MMEL1: variants seen among roughly 807,000 people sequenced by gnomAD.
MMEL1 encodes membrane metalloendopeptidase like 1.
Under a neutral mutation model 117.1 loss-of-function variants are expected in MMEL1, and 98 were observed. The ratio of observed to expected loss-of-function variants is 0.84; its 90% CI spans 0.71 to 0.99. The LOEUF is 0.99. Among genes scored for constraint, MMEL1 ranks in the 50% least tolerant of loss-of-function variants. The probability of loss-of-function intolerance (pLI) is 0.00; values close to 1 mark genes in which losing one functional copy is unlikely to be tolerated. For synonymous variants in MMEL1, 390 were observed against 415.1 expected, an observed-to-expected ratio of 0.94 and a Z score of 0.74; for missense variants, 1,014 against 1,049.1, an observed-to-expected ratio of 0.97 and a Z score of 0.46.
Position 2,609,403 on chromosome 1 carries a change from C to G in MMEL1, c.471G>C (p.Ser157=). ...CCACAGCCGGCCGGTCCTTGGCAGTCGAATTCTCCAGCACCGCTGTGGGCA... is the reference window on the plus strand; with the variant it reads ...CCACAGCCGGCCGGTCCTTGGCAGTGGAATTCTCCAGCACCGCTGTGGGCA... ...EVILKAVLEN[S]TAKDRPAVEK... Residue 157 remains serine (S), a synonymous_variant, in exon 6 of 24, where the codon TCG becomes TCC. Coordinates refer to ENST00000378412, the MANE Select transcript of MMEL1 (RefSeq NM_033467.4). 1 of 1,611,236 alleles carries G rather than the reference C, an allele frequency of 6.2e-7. No individual in the cohort carries two copies.
At chr1:2,625,426 C>A (rs924419460) in intron 2 of MMEL1, among the ~76,000 whole-genome samples, 2 of 152,198 alleles carry the variant, frequency 1.3e-5, no homozygotes, top group African/African-American at 4.8e-5. Flanking sequence ...GGCTGCTGGG[C>A]AAGCTGCTCT....
intron 23 of MMEL1, 152 bp downstream of exon 23, chr1:2,591,405 A>G: frequency 1.5e-6 from 1 of 676,318 alleles, no homozygotes; most frequent in East Asian, 2.6e-5. Flanking sequence ...AATGTCCCTG[A>G]CCGAAATCGG....
At chr1:2,624,068 G>A (rs1645332196) in intron 2 of MMEL1, among the ~76,000 whole-genome samples, 1 of 152,176 alleles carries the variant, frequency 6.6e-6, no homozygotes, top group Non-Finnish European at 1.5e-5. Flanking sequence ...GCCAAGAGGT[G>A]CATCCCCAGC....
intron 11 of MMEL1, among the ~76,000 whole-genome samples, chr1:2,602,478 T>C (rs1047889109): frequency 6.6e-6 from 1 of 152,144 alleles, no homozygotes; most frequent in Non-Finnish European, 1.5e-5. Flanking sequence ...TTGGCTCCAC[T>C]TCCAAAATCA....
intron 11 of MMEL1, among the ~76,000 whole-genome samples, chr1:2,600,595 C>G (rs1425308790): frequency 6.6e-6 from 1 of 151,968 alleles, no homozygotes; most frequent in African/African-American, 2.4e-5. Flanking sequence ...CGCAGCTACT[C>G]AGGAGGCTTG....
chr1:2,629,201 A>G, intron 2 of MMEL1, 130 bp downstream of exon 2: 3 of 1,013,334 alleles, frequency 3.0e-6, no homozygotes, highest in South Asian at 3.8e-5. Context: ...CTGGGTGCCC[A>G]GTGCAGACCC....
At chr1:2,602,739 G>A (rs1015168745) in intron 11 of MMEL1, among the ~76,000 whole-genome samples, 7 of 152,166 alleles carry the variant, frequency 4.6e-5, no homozygotes, top group East Asian at 3.9e-4. Flanking sequence ...CTCTAGCCCC[G>A]GTGCTCATTA....
chr1:2,595,341 G>T lies in MMEL1; in HGVS notation c.1519C>A (p.Gln507Lys). The T allele has an allele frequency of 6.2e-7, 1 of 1,613,904 alleles. No homozygotes were observed. Among genetic ancestry groups the T allele is most frequent in the Non-Finnish European group, 8.5e-7 (1 of 1,179,970 alleles). Residue 507 changes from glutamine (Q) to lysine (K), a missense_variant, in exon 16 of 24, where the codon CAG becomes AAG. Gln to Lys is a moderately conservative substitution (Grantham distance 53). Transcript: ENST00000378412. The surrounding 1 kb of genome is among the most constrained non-coding windows in gnomAD (Gnocchi z 4.8). ...AQEKAMSIRE[Q>K]IGHPDYILEE... ...AGGATGTAGTCAGGGTGCCCGATCT[G>T]CTCCCGGATGCTCATGGCCTGAGTG... is the stretch of plus-strand genomic sequence containing the variant.
At chr1:2,596,798 G>T in intron 13 of MMEL1, 109 bp from the exon 14 acceptor site, 1 of 1,347,184 alleles carries the variant, frequency 7.4e-7, no homozygotes, top group Non-Finnish European at 1.0e-6. Flanking sequence ...TCAGCCTCAG[G>T]GTGCCCCGGG....
At chr1:2,597,361 G>A (rs770399300) in intron 13 of MMEL1, among the ~76,000 whole-genome samples, 5 of 151,372 alleles carry the variant, frequency 3.3e-5, no homozygotes, top group Non-Finnish European at 7.4e-5. Flanking sequence ...GGCTTGACTT[G>A]CCCCCAGCTT....
rs1644830781 is a variant in MMEL1 at position 2,595,953 on chromosome 1, G to C, written c.1500+56C>G. On this transcript the variant is annotated intron_variant, in intron 15 of 23. Coordinates refer to ENST00000378412, the MANE Select transcript of MMEL1 (RefSeq NM_033467.4). The surrounding 1 kb of genome is among the most constrained non-coding windows in gnomAD (Gnocchi z 4.8). ...ACCGTCAGGAGGCTTTGTCGGGGCG[G>C]TGCTGCCCGTGCCCAGATCCAGTCG... The C allele has an allele frequency of 6.8e-7, 1 of 1,480,372 alleles. No individual in the cohort carries two copies. The highest frequency in any genetic ancestry group is 9.4e-7 in the Non-Finnish European group (1 of 1,061,444). 91.7% of individuals were successfully genotyped at this position (1,480,372 alleles called of 1,614,324 possible).
intron 12 of MMEL1, 93 bp from the exon 13 acceptor site, chr1:2,598,393 AC>A: frequency 7.4e-7 from 1 of 1,355,310 alleles, no homozygotes; most frequent in Non-Finnish European, 1.0e-6. Flanking sequence ...AGCACGTTCC[AC>A]CCCAGAGAGT....
chr1:2,592,903 A>C lies in MMEL1; in HGVS notation c.1931T>G (p.Phe644Cys). ...GATCATGCACTCTGACTGCTCCCGG[A>C]AGTGCTGGGTGGAGAAGTTACTCCA... The part of the protein sequence containing the change: ...DWWSNFSTQH[F>C]REQSECMIYQ... The change falls in exon 20 of 24, where the codon TTC becomes TGC. Residue 644 changes from phenylalanine (F) to cysteine (C), a missense_variant. Phe to Cys is a radical substitution (Grantham distance 205, BLOSUM62 -2). Transcript: ENST00000378412. 1 of 1,613,662 alleles carries C rather than the reference A, an allele frequency of 6.2e-7. No individual in the cohort carries two copies. The highest frequency in any genetic ancestry group is 8.5e-7 in the Non-Finnish European group (1 of 1,179,916).
chr1:2,590,971 C>G lies in MMEL1; in HGVS notation c.*19G>C. 3 of 1,528,152 alleles carry G rather than the reference C, an allele frequency of 2.0e-6. No individual in the cohort carries two copies. The highest frequency in any genetic ancestry group is 1.8e-6 in the Non-Finnish European group (2 of 1,137,550). The allele number at this position is 1,528,152 out of a possible 1,614,324, so 94.7% of individuals were successfully genotyped here. On this transcript the variant is annotated 3_prime_UTR_variant, in exon 24 of 24. Coordinates refer to ENST00000378412, the MANE Select transcript of MMEL1 (RefSeq NM_033467.4). ...GAGCAGCGGGTGGGCGTGGGCCGCA[C>G]AGCGCGGCAGGGCCTTGGCTACCAC...
chr1:2,632,827 AG>A, intron 1 of MMEL1, 38 bp downstream of exon 1: 1 of 983,726 alleles, frequency 1.0e-6, no homozygotes. Context: ...TTCAAGGCCC[AG>A]GAAAGCAGGC....
At chr1:2,632,571 C>A in intron 1 of MMEL1, 1 of 173,514 alleles carries the variant, frequency 5.8e-6, no homozygotes, top group African/African-American at 2.4e-5. Context: ...AGCCAAGTAC[C>A]CGGGGCAGGT....
intron 2 of MMEL1, among the ~76,000 whole-genome samples, chr1:2,618,272 T>C (rs1240886586): frequency 6.6e-6 from 1 of 151,852 alleles, no homozygotes; most frequent in Non-Finnish European, 1.5e-5. Context: ...CTCTCTCTCT[T>C]TCTCTTGCCA....
At position 2,606,973 on chromosome 1, in the gene MMEL1, C is replaced by A. The variant is rs1645039154; in HGVS notation, c.631+1G>T. 8 of 1,612,054 alleles carry A rather than the reference C, an allele frequency of 5.0e-6. No homozygotes were observed. The highest frequency in any genetic ancestry group is 6.8e-6 in the Non-Finnish European group (8 of 1,179,698). The stretch of plus-strand genomic sequence containing the variant: ...GAGGCTGCTGCCAGGCCCGGCCTTA[C>A]CTACGGTCTCGTTCCACCTGTCCAT... On this transcript the variant is annotated splice_donor_variant, in intron 7 of 23. Coordinates refer to ENST00000378412, the MANE Select transcript of MMEL1 (RefSeq NM_033467.4). LOFTEE classifies it high-confidence loss of function.
chr1:2,603,778 T>G, intron 11 of MMEL1, 106 bp downstream of exon 11: 1 of 1,009,930 alleles, frequency 9.9e-7, no homozygotes, highest in South Asian at 1.5e-5. Flanking sequence ...TGGGGAATGT[T>G]TCTGAGCTTA....
Sources: allele counts gnomAD v4.1 joint callset (sites outside exome capture counted in the v4.1 genomes callset), GRCh38; gene constraint gnomAD v4.1.1; non-coding constraint Gnocchi (gnomAD v3.1); transcripts MANE v1.5; gene names NCBI Gene and HGNC (gene_info 2026-07-23, HGNC 2026-07-21).